Variants in ODF2 observed in about 807,000 individuals in gnomAD.
ODF2 encodes the protein outer dense fiber protein 2.
In ODF2, 47 loss-of-function variants were observed where a neutral mutation model predicts 110.2. That is an observed-to-expected ratio of 0.43 (90% confidence interval 0.34 to 0.54). ODF2 has a LOEUF of 0.54. ODF2 is among the 20% of genes least tolerant of loss of function. ODF2 has a pLI of 0.03. For synonymous variants in ODF2, 352 were observed against 397.7 expected (o/e 0.89, Z 1.37); for missense variants, 812 against 1,054.5 (o/e 0.77, Z 3.19).
At chr9:128,464,528 C>T (rs1333200773) in intron 4 of ODF2, among the ~76,000 whole-genome samples, 1 of 151,810 alleles carries the variant, frequency 6.6e-6, no homozygotes, top group African/African-American at 2.4e-5. Flanking sequence ...GAGACGGAGT[C>T]TTGTTCTGTT....
intron 6 of ODF2, among the ~76,000 whole-genome samples, chr9:128,472,621 G>A (rs912108415): frequency 1.3e-5 from 2 of 152,202 alleles, no homozygotes; most frequent in Admixed American, 6.5e-5. Flanking sequence ...GTAGGAGGGC[G>A]TGACAGTGGA....
chr9:128,457,404 C>G (rs1248781924), exon 2 of ODF2: 5 of 1,613,188 alleles, frequency 3.1e-6, no homozygotes, highest in Non-Finnish European at 4.2e-6. Flanking sequence ...TGATGCCTAG[C>G]CATGTCTGCC....
rs1030424169 is a variant in ODF2, at chr9:128,500,291, C to T, written c.*36C>T. On this transcript the variant is annotated 3_prime_UTR_variant, in exon 21 of 21. Coordinates refer to ENST00000604420, the Ensembl canonical transcript of ODF2. ...CAGGGCCTGGAGCCCTGATGGAAGC[C>T]ATAGGAACTCCAGAGTTGCCAAGCC... The T allele has an allele frequency of 5.0e-6, 8 of 1,605,596 alleles. No homozygotes were observed. The Admixed American group carries it at 8.4e-5, about 17-fold the overall frequency.
At chr9:128,491,713 C>T (rs1844600301) in intron 14 of ODF2, among the ~76,000 whole-genome samples, 1 of 151,922 alleles carries the variant, frequency 6.6e-6, no homozygotes, top group African/African-American at 2.4e-5. Flanking sequence ...CTGGCAGATC[C>T]CATGGTGGGG....
chr9:128,484,163 T>G (rs761178386), intron 11 of ODF2, 109 bp downstream of exon 11: 2 of 781,394 alleles, frequency 2.6e-6, no homozygotes, highest in Non-Finnish European at 4.3e-6. Flanking sequence ...CAAAGGTTTC[T>G]GAGGCAGCTG....
rs1400413775 is a variant in ODF2, at chr9:128,490,254, A to G, written c.1537-2172A>G. On this transcript the variant is annotated intron_variant, in intron 14 of 20. Transcript: ENST00000604420. The stretch of plus-strand genomic sequence containing the variant: ...GTGTATTACAGTGTGGTCATTCAAA[A>G]TGATGTTTGTAGAAGTATATTTTCC... 3.9e-5 allele frequency among the ~76,000 whole-genome samples: 6 copies of G among 152,156 alleles called. No homozygotes were observed. In the East Asian group the frequency reaches 1.2e-3, roughly 29 times the overall value.
At chr9:128,465,469 G>A (rs1389472903) in intron 4 of ODF2, among the ~76,000 whole-genome samples, 4 of 152,042 alleles carry the variant, frequency 2.6e-5, no homozygotes, top group African/African-American at 7.2e-5. Flanking sequence ...TCAGCCGGGC[G>A]CGGTGGCTCA....
intron 1 of ODF2, chr9:128,456,907 C>T: frequency 7.9e-7 from 1 of 1,270,032 alleles, no homozygotes; most frequent in Non-Finnish European, 1.0e-6. Flanking sequence ...GGCATCTGTT[C>T]TTCCGTAACG....
In ODF2 at chr9:128,494,705, C is replaced by A; in HGVS notation, c.1911+37C>A. ...GCAGAAAGGGTCCCACGAACTGACC[C>A]GAGCAGGGGCCCGCATACCAAGATG... On this transcript the variant is annotated intron_variant, in intron 17 of 20. Coordinates refer to ENST00000604420, the Ensembl canonical transcript of ODF2. The surrounding 1 kb of genome is among the most constrained non-coding windows in gnomAD (Gnocchi z 4.6). The A allele has an allele frequency of 1.2e-6, 2 of 1,613,998 alleles. No homozygotes were observed. Among genetic ancestry groups the A allele is most frequent in the East Asian group, 2.2e-5 (1 of 44,888 alleles).
intron 6 of ODF2, among the ~76,000 whole-genome samples, chr9:128,471,797 A>T (rs1588827894): frequency 6.6e-6 from 1 of 152,116 alleles, no homozygotes. Context: ...CACGCTACTC[A>T]GTGGGAACAT....
upstream of ODF2, chr9:128,455,977 A>T (rs568499605): frequency 1.4e-6 from 2 of 1,410,314 alleles, no homozygotes; most frequent in South Asian, 1.6e-5. Context: ...TGGTGACGGG[A>T]CGCGTGGCCC....
At chr9:128,466,535 A>C (rs1335406786) in intron 4 of ODF2, among the ~76,000 whole-genome samples, 2 of 151,106 alleles carry the variant, frequency 1.3e-5, no homozygotes, top group Non-Finnish European at 1.5e-5. Flanking sequence ...ATGAATTTTC[A>C]CAAGCTGAAG....
intron 6 of ODF2, among the ~76,000 whole-genome samples, chr9:128,472,434 C>A (rs1387448444): frequency 6.6e-6 from 1 of 152,180 alleles, no homozygotes; most frequent in Non-Finnish European, 1.5e-5. Flanking sequence ...CTCGATAACA[C>A]CTGATCTCAA....
chr9:128,456,623 C>G, intron 1 of ODF2: 1 of 1,507,120 alleles, frequency 6.6e-7, no homozygotes, highest in Non-Finnish European at 8.8e-7. Flanking sequence ...CTCCCTCGCT[C>G]TGCTGCCCGT....
chr9:128,475,478 T>A (rs1307632050), intron 8 of ODF2, among the ~76,000 whole-genome samples: 1 of 152,232 alleles, frequency 6.6e-6, no homozygotes, highest in Non-Finnish European at 1.5e-5. Context: ...TGAAAACACT[T>A]AAAATTATCT....
chr9:128,480,305 G>C (rs567927855), intron 8 of ODF2, among the ~76,000 whole-genome samples: 2 of 152,090 alleles, frequency 1.3e-5, no homozygotes, highest in African/African-American at 4.8e-5. Context: ...GATGTTCATC[G>C]TGATGATTTG....
exon 12 of ODF2, chr9:128,484,778 G>T: frequency 6.2e-7 from 1 of 1,612,062 alleles, no homozygotes. Context: ...TGAAGCAGAA[G>T]GGAGACCGAG....
intron 5 of ODF2, among the ~76,000 whole-genome samples, chr9:128,469,841 A>G (rs932848898): frequency 2.0e-5 from 3 of 149,180 alleles, no homozygotes; most frequent in African/African-American, 7.4e-5. Context: ...AAAATTAGCC[A>G]TGCGTGGTGG....
At chr9:128,492,530 G>A in exon 15 of ODF2, 1 of 1,610,952 alleles carries the variant, frequency 6.2e-7, no homozygotes, top group Non-Finnish European at 8.5e-7. Context: ...ACAACTATAA[G>A]AGTCAGGTAG....
Sources: allele counts gnomAD v4.1 joint callset (sites outside exome capture counted in the v4.1 genomes callset), GRCh38; gene constraint gnomAD v4.1.1; non-coding constraint Gnocchi (gnomAD v3.1); transcripts MANE v1.5; gene names NCBI Gene and HGNC (gene_info 2026-07-23, HGNC 2026-07-21).